The following EFHB variants were observed in gnomAD, a reference collection of about 807,000 sequenced individuals.
EFHB encodes the protein EF-hand domain family member B, also known as EF-hand domain-containing family member B.
EFHB carries 91 observed loss-of-function variants against 87.2 expected under a neutral mutation model. That is an observed-to-expected ratio of 1.04 (90% CI 0.88 to 1.24). The LOEUF (loss-of-function observed/expected upper bound fraction) is 1.24, where lower values mean the gene tolerates loss of function less well. EFHB is among the 50% of genes most tolerant of loss of function. EFHB has a pLI of 0.00. For missense variants in EFHB, 1,084 were observed against 998.8 expected, an observed-to-expected ratio of 1.09 and a Z score of -1.15; for synonymous variants, 325 against 333.6, an observed-to-expected ratio of 0.97 and a Z score of 0.28.
At chr3:19,945,303 T>C (rs980385940) in intron 1 of EFHB, among the ~76,000 whole-genome samples, 18 of 152,184 alleles carry the variant, frequency 1.2e-4, no homozygotes, top group African/African-American at 4.3e-4. Context: ...TAAAGAACTT[T>C]AGACTGTCAA....
chr3:19,943,515 T>C (rs1029700488), intron 1 of EFHB, among the ~76,000 whole-genome samples: 1 of 152,132 alleles, frequency 6.6e-6, no homozygotes, highest in Admixed American at 6.5e-5. Context: ...GTGTTGGGAA[T>C]ACAGTTAGCC....
chr3:19,896,167 T>C (rs1694474682), intron 9 of EFHB, among the ~76,000 whole-genome samples: 2 of 152,134 alleles, frequency 1.3e-5, no homozygotes, highest in Non-Finnish European at 1.5e-5. Flanking sequence ...GTGCTACCCA[T>C]TGCCCCTTGC....
At chr3:19,921,315 A>T (rs1188488127) in intron 1 of EFHB, among the ~76,000 whole-genome samples, 1 of 152,116 alleles carries the variant, frequency 6.6e-6, no homozygotes, top group Non-Finnish European at 1.5e-5. Context: ...TTTAGGGTTT[A>T]AGAGACTGTC....
chr3:19,904,284 G>C (rs1271349618), intron 6 of EFHB, among the ~76,000 whole-genome samples: 1 of 152,176 alleles, frequency 6.6e-6, no homozygotes, highest in Non-Finnish European at 1.5e-5. Flanking sequence ...TTCTCTCACA[G>C]TCCTAGAAGC....
intron 5 of EFHB, among the ~76,000 whole-genome samples, chr3:19,913,903 G>A (rs1000397094): frequency 3.9e-5 from 6 of 152,076 alleles, no homozygotes; most frequent in African/African-American, 1.4e-4. Context: ...ACTCATTTTT[G>A]GCAAAGGTGC....
rs768319931 is a variant in EFHB, at chr3:19,899,425, A to T, written c.1502+7T>A. On this transcript the variant is annotated splice_region_variant and intron_variant, in intron 7 of 12. Coordinates refer to ENST00000295824, the MANE Select transcript of EFHB (RefSeq NM_144715.4). ...AACTATCAATTTGAAGTTAATCATT[A>T]ACTTACGGATCTAAAACTCTTCCAA... The T allele has an allele frequency of 6.9e-6, 11 of 1,583,448 alleles. No homozygotes were observed. Among genetic ancestry groups the T allele is most frequent in the Non-Finnish European group, 8.6e-6 (10 of 1,165,894 alleles).
chr3:19,881,457 A>G (rs2071674037), intron 12 of EFHB, among the ~76,000 whole-genome samples: 2 of 152,196 alleles, frequency 1.3e-5, no homozygotes, highest in Admixed American at 1.3e-4. Flanking sequence ...TAAAAGGATG[A>G]CTTCCTTTAG....
intron 9 of EFHB, among the ~76,000 whole-genome samples, chr3:19,895,598 G>A (rs1575003622): frequency 6.6e-6 from 1 of 152,004 alleles, no homozygotes. Context: ...AGGGCACTAC[G>A]TATTATGGCA....
At position 19,879,699 on chromosome 3, in the gene EFHB, C is replaced by T. The variant is rs2125120036; in HGVS notation, c.2434G>A (p.Glu812Lys). Residue 812 changes from glutamate to lysine, a missense_variant, in exon 13 of 13, where the codon GAG becomes AAG. Coordinates refer to ENST00000295824, the MANE Select transcript of EFHB (RefSeq NM_144715.4). ...TCATCTAGAACATTTCTGATGTTCTCAACACAAACTTCTCCTCTGTGATGC... is the reference window on the plus strand; with the variant it reads ...TCATCTAGAACATTTCTGATGTTCTTAACACAAACTTCTCCTCTGTGATGC... ...KKHHRGEVCV[E>K]NIRNVLDELR... 2 of 1,610,618 alleles carry T rather than the reference C, an allele frequency of 1.2e-6. No homozygotes were observed. The highest frequency in any genetic ancestry group is 1.7e-6 in the Non-Finnish European group (2 of 1,179,058).
intron 5 of EFHB, among the ~76,000 whole-genome samples, chr3:19,910,055 C>A (rs1278771128): frequency 6.6e-6 from 1 of 151,762 alleles, no homozygotes; most frequent in Non-Finnish European, 1.5e-5. Flanking sequence ...GAGCAAAACT[C>A]CTTCTGCTTG....
At chr3:19,939,370 CT>C (rs147510880) in intron 1 of EFHB, among the ~76,000 whole-genome samples, 406 of 64,522 alleles carry the variant, frequency 6.3e-3, no homozygotes, top group East Asian at 0.018. Flanking sequence ...GTTGGGTCTC[CT>C]TTTTTTTTTT....
At chr3:19,888,736 A>G in intron 9 of EFHB, 85 bp from the exon 10 acceptor site, 1 of 1,104,060 alleles carries the variant, frequency 9.1e-7, no homozygotes, top group Non-Finnish European at 1.3e-6. Flanking sequence ...AAGAAAAAAG[A>G]AATAGCTTCA....
At chr3:19,928,734 C>T (rs1056912120) in intron 1 of EFHB, among the ~76,000 whole-genome samples, 1 of 152,148 alleles carries the variant, frequency 6.6e-6, no homozygotes, top group African/African-American at 2.4e-5. Context: ...GGTGAGCCAC[C>T]GTGCCCGTCC....
upstream of EFHB, chr3:19,936,161 G>A (rs775042563): frequency 4.3e-6 from 6 of 1,408,014 alleles, no homozygotes; most frequent in Non-Finnish European, 5.8e-6. Context: ...AACACTTCGG[G>A]AAGCCAAGGC....
chr3:19,895,794 A>T (rs1213453260), intron 9 of EFHB, among the ~76,000 whole-genome samples: 2 of 152,210 alleles, frequency 1.3e-5, no homozygotes, highest in African/African-American at 4.8e-5. Context: ...TATAAGGAAG[A>T]TGCATCTGAC....
intron 6 of EFHB, among the ~76,000 whole-genome samples, chr3:19,900,161 C>G (rs1479099509): frequency 6.6e-6 from 1 of 152,108 alleles, no homozygotes; most frequent in East Asian, 1.9e-4. Context: ...TGCCTGTAAT[C>G]TCAATACTTT....
At chr3:19,897,624 G>C (rs2125129376) in intron 8 of EFHB, among the ~76,000 whole-genome samples, 1 of 152,232 alleles carries the variant, frequency 6.6e-6, no homozygotes, top group Middle Eastern at 3.4e-3. Flanking sequence ...TGGACCCTGA[G>C]GATCCAACAG....
intron 1 of EFHB, among the ~76,000 whole-genome samples, chr3:19,925,020 C>T (rs12634563): frequency 0.55 from 83,566 of 151,730 alleles, 25,647 homozygotes; most frequent in Non-Finnish European, 0.71. Context: ...CCGAGGTGGG[C>T]GGATCACGAG....
At position 19,918,401 on chromosome 3, in the gene EFHB, C is replaced by G; in HGVS notation, c.1008G>C (p.Leu336Phe). 1 of 1,592,132 alleles carries G rather than the reference C, an allele frequency of 6.3e-7. No individual in the cohort carries two copies. The highest frequency in any genetic ancestry group is 1.4e-5 in the African/African-American group (1 of 73,452). ...RSKISVLANT[L>F]INPQPITTFQ... ...ATGTGGTAATAGGCTGTGGGTTTAT[C>G]AATGTGTTTGCCTAAAGAAATCATA... is the stretch of plus-strand genomic sequence containing the variant. The change falls in exon 4 of 13, where the codon TTG (leucine) becomes TTC (phenylalanine). Residue 336 changes from leucine to phenylalanine, a missense_variant. Transcript: ENST00000295824.
Sources: allele counts gnomAD v4.1 joint callset (sites outside exome capture counted in the v4.1 genomes callset), GRCh38; gene constraint gnomAD v4.1.1; transcripts MANE v1.5; gene names NCBI Gene and HGNC (gene_info 2026-07-23, HGNC 2026-07-21).